NSF: variants seen among roughly 807,000 people sequenced by gnomAD.
NSF encodes N-ethylmaleimide sensitive factor, vesicle fusing ATPase.
In NSF, 14 loss-of-function variants were observed where a neutral mutation model predicts 50.3. The ratio of observed to expected loss-of-function variants is 0.28; its 90% CI spans 0.18 to 0.44. NSF has a LOEUF of 0.44. Ranked by LOEUF, NSF falls within the 20% of genes least tolerant of loss-of-function variation. The pLI is 1.00. For missense variants in NSF, 218 were observed against 504.3 expected (o/e 0.43, Z 5.44); for synonymous variants, 109 against 175.7 (o/e 0.62, Z 3.00).
intron 17 of NSF, among the ~76,000 whole-genome samples, chr17:46,743,145 T>C (rs774163178): frequency 6.6e-6 from 1 of 152,154 alleles, no homozygotes; most frequent in Non-Finnish European, 1.5e-5. Context: ...ACAGTAACCC[T>C]TGTGAAGCTG....
At chr17:46,680,213 CT>C (rs1371049836) in intron 9 of NSF, among the ~76,000 whole-genome samples, 1 of 150,220 alleles carries the variant, frequency 6.7e-6, no homozygotes, top group African/African-American at 2.5e-5. Flanking sequence ...TGAAGATTTA[CT>C]TTTATCACAT....
chr17:46,708,491 CTTT>C (rs140361958), intron 13 of NSF, among the ~76,000 whole-genome samples: 1 of 124,846 alleles, frequency 8.0e-6, no homozygotes, highest in African/African-American at 3.1e-5. Context: ...GTTACATATC[CTTT>C]TTTTTTTTTT....
intron 17 of NSF, among the ~76,000 whole-genome samples, chr17:46,749,040 C>T (rs2059157894): frequency 6.6e-6 from 1 of 152,106 alleles, no homozygotes; most frequent in Admixed American, 6.6e-5. Context: ...AAATCCCCAT[C>T]TTCCATGGTA....
rs1281041588 is a variant in NSF, at chr17:46,735,590, T to TA, written c.1908+6657dup. 5.3e-5 allele frequency among the ~76,000 whole-genome samples: 8 copies of TA among 152,312 alleles called. No individual in the cohort carries two copies. The East Asian group carries it at 1.5e-3, about 29-fold the overall frequency. ...AAAATAGAGATAATTCCTCATGTGTTACCTACTCTGTTGAGGGTCAGCTAA... is the reference window on the plus strand; with the variant it reads ...AAAATAGAGATAATTCCTCATGTGTTAACCTACTCTGTTGAGGGTCAGCTAA... On this transcript the variant is annotated intron_variant, in intron 17 of 20. Transcript: ENST00000398238.
At position 46,756,780 on chromosome 17, in the gene NSF, A is replaced by G. The variant is rs1015624677; in HGVS notation, c.*957A>G. On this transcript the variant is annotated 3_prime_UTR_variant, in exon 21 of 21. Coordinates refer to ENST00000398238, the MANE Select transcript of NSF (RefSeq NM_006178.4). ...TGTACTATCTAGTGTCTAAAACACT[A>G]TTCTCCAGAAAAATCAATCATTTTC... The G allele has an allele frequency of 6.5e-5, 10 of 152,742 alleles. No individual in the cohort carries two copies. The highest frequency in any genetic ancestry group is 3.9e-4 in the East Asian group (2 of 5,188). The allele number at this position is 152,742 out of a possible 1,614,324, so 9.5% of individuals were successfully genotyped here.
At chr17:46,681,752 A>C in intron 9 of NSF, among the ~76,000 whole-genome samples, 1 of 43,128 alleles carries the variant, frequency 2.3e-5, no homozygotes, top group Non-Finnish European at 4.1e-5. Flanking sequence ...CATTTCATTA[A>C]GTTCTTGTTC....
intron 14 of NSF, among the ~76,000 whole-genome samples, chr17:46,712,199 T>C (rs2058726553): frequency 6.7e-6 from 1 of 149,210 alleles, no homozygotes; most frequent in African/African-American, 2.5e-5. Flanking sequence ...GTAGACTAAT[T>C]AGAAATATTT....
intron 17 of NSF, among the ~76,000 whole-genome samples, chr17:46,735,466 TA>T (rs775711064): frequency 5.6e-3 from 785 of 141,220 alleles, no homozygotes; most frequent in Admixed American, 8.1e-3. Flanking sequence ...ACTTGAGGTT[TA>T]AAAAAAAAAA....
In NSF at chr17:46,755,475, T is replaced by C. The variant is rs774666973; in HGVS notation, c.2213+106T>C. 3.8e-5 allele frequency: 38 copies of C among 1,003,120 alleles called. No homozygotes were observed. The South Asian group carries it at 3.8e-4, about 10-fold the overall frequency. The allele number at this position is 1,003,120 out of a possible 1,614,324, so 62.1% of individuals were successfully genotyped here. ...TCCTAGATAAGTTTGTTTCCATTTA[T>C]TTGAATTCTTCGCTGTGTTGTAGGT... On this transcript the variant is annotated intron_variant, in intron 20 of 20. Coordinates refer to ENST00000398238, the MANE Select transcript of NSF (RefSeq NM_006178.4).
intron 8 of NSF, among the ~76,000 whole-genome samples, chr17:46,661,375 C>CTTT (rs1361240102): frequency 8.1e-6 from 1 of 123,150 alleles, no homozygotes; most frequent in Non-Finnish European, 1.6e-5. Context: ...TTCTACATTT[C>CTTT]TTTTTATTAT....
In NSF at chr17:46,692,947, T is replaced by A. The variant is rs765646897; in HGVS notation, c.990T>A (p.Ile330=). 6.6e-7 allele frequency: 1 copy of A among 1,525,740 alleles called. No individual in the cohort carries two copies. The highest frequency in any genetic ancestry group is 2.3e-5 in the East Asian group (1 of 43,638). 94.5% of individuals were successfully genotyped at this position (1,525,740 alleles called of 1,614,324 possible). Reference sequence around the variant, plus strand: ...TGCACATCATCATCTTTGATGAAATTGATGCCATCTGCAAGCAGAGAGGGA... The same window carrying A: ...TGCACATCATCATCTTTGATGAAATAGATGCCATCTGCAAGCAGAGAGGGA... ...SGLHIIIFDE[I]DAICKQRGSM... is the part of the protein sequence containing the mutation. Residue 330 remains isoleucine, a synonymous_variant, in exon 10 of 21, where the codon ATT becomes ATA. Transcript: ENST00000398238.
chr17:46,743,937 C>T (rs527886896), intron 17 of NSF, among the ~76,000 whole-genome samples: 2 of 152,298 alleles, frequency 1.3e-5, no homozygotes, highest in South Asian at 4.2e-4. Context: ...GGTGCTCTGT[C>T]TCAGCTGCTT....
chr17:46,749,711 T>G, intron 17 of NSF, 62 bp from the exon 18 acceptor site: 3 of 1,453,604 alleles, frequency 2.1e-6, no homozygotes, highest in Non-Finnish European at 2.8e-6. Flanking sequence ...TGTTCAAGCT[T>G]ACTGTAGTTT....
In NSF at chr17:46,661,378, TTTATTATTATTA is replaced by T. The variant is rs892367324; in HGVS notation, c.746-13015_746-13004del. Among the ~76,000 whole-genome samples, 10 of 106,550 alleles carry T rather than the reference TTTATTATTATTA, an allele frequency of 9.4e-5. No homozygotes were observed. In the South Asian group the frequency reaches 1.6e-3, roughly 17 times the overall value. 69.9% of individuals were successfully genotyped at this position (106,550 alleles called of 152,430 possible). A position where few individuals can be genotyped will look rare whatever the true frequency, so the allele number is the denominator to read the frequency against. On this transcript the variant is annotated intron_variant, in intron 8 of 20. Transcript: ENST00000398238. ...TATTTGAATCTCTTCTACATTTCTT[TTTATTATTATTA>T]TTATTATTATTATTATTATTTTTGA...
At chr17:46,751,703 T>G in intron 19 of NSF, 87 bp downstream of exon 19, 3 of 708,868 alleles carry the variant, frequency 4.2e-6, no homozygotes, top group Non-Finnish European at 4.4e-6. Flanking sequence ...TGCCAAGGTT[T>G]TAATTAATTT....
intron 9 of NSF, among the ~76,000 whole-genome samples, chr17:46,685,151 C>T (rs2058484750): frequency 7.0e-6 from 1 of 143,506 alleles, no homozygotes; most frequent in Non-Finnish European, 1.5e-5. Flanking sequence ...AAACACTAGG[C>T]AGAAGTGAGT....
intron 17 of NSF, among the ~76,000 whole-genome samples, chr17:46,735,792 A>G (rs780066609): frequency 3.3e-5 from 5 of 152,130 alleles, no homozygotes; most frequent in Non-Finnish European, 5.9e-5. Flanking sequence ...TAAAAATACA[A>G]AAATTAGCTC....
chr17:46,724,789 T>TAAGG lies in NSF; in HGVS notation c.1762-1759_1762-1756dup, dbSNP rs531509019. On this transcript the variant is annotated intron_variant, in intron 15 of 20. Coordinates refer to ENST00000398238, the MANE Select transcript of NSF (RefSeq NM_006178.4). ...AATATTTGTTGAGTGAGTGAATGAA[T>TAAGG]AAGGCAGCACTCCAAGACTCAATCC... Among the ~76,000 whole-genome samples, 621 of 152,330 alleles carry TAAGG rather than the reference T, an allele frequency of 4.1e-3. 1 individual carries two copies. Among genetic ancestry groups the TAAGG allele is most frequent in the Non-Finnish European group, 6.8e-3 (461 of 68,032 alleles).
At chr17:46,728,417 GA>G in intron 16 of NSF, among the ~76,000 whole-genome samples, 1 of 151,716 alleles carries the variant, frequency 6.6e-6, no homozygotes, top group South Asian at 2.1e-4. Context: ...AATAATCCCA[GA>G]AAAAACATCT....
Sources: gnomAD v4.1 joint callset for allele counts (sites outside exome capture counted in the v4.1 genomes callset) on GRCh38, gnomAD v4.1.1 for gene constraint, MANE v1.5 for transcripts, NCBI Gene and HGNC (gene_info 2026-07-23, HGNC 2026-07-21) for gene names.